Variants in ZBTB40 observed in about 807,000 individuals in gnomAD.
ZBTB40 encodes zinc finger and BTB domain containing 40.
A neutral mutation model predicts 117.5 loss-of-function variants in ZBTB40; 60 were observed. The ratio of observed to expected loss-of-function variants is 0.51; its 90% confidence interval spans 0.41 to 0.63. ZBTB40 has a LOEUF of 0.63. ZBTB40 is among the 30% of genes least tolerant of loss of function. The pLI, the probability that ZBTB40 is intolerant of heterozygous loss-of-function variation, is 0.00. For missense variants in ZBTB40, 1,287 were observed against 1,498.5 expected, an observed-to-expected ratio of 0.86 and a Z score of 2.33; for synonymous variants, 525 against 577.1, an observed-to-expected ratio of 0.91 and a Z score of 1.29.
chr1:22,479,921 G>C (rs967417567), intron 1 of ZBTB40, among the ~76,000 whole-genome samples: 12 of 151,206 alleles, frequency 7.9e-5, no homozygotes, highest in Non-Finnish European at 1.5e-4. Flanking sequence ...TTGTTTTTTT[G>C]GGGGGGACAG....
intron 11 of ZBTB40, among the ~76,000 whole-genome samples, chr1:22,512,366 G>A (rs1639263159): frequency 6.6e-6 from 1 of 152,174 alleles, no homozygotes; most frequent in Admixed American, 6.5e-5. Flanking sequence ...TTACTCTGTT[G>A]CATTGTTATG....
intron 1 of ZBTB40, among the ~76,000 whole-genome samples, chr1:22,467,297 T>C (rs1382454670): frequency 6.6e-6 from 1 of 152,196 alleles, no homozygotes; most frequent in Non-Finnish European, 1.5e-5. Context: ...AAGTATACTT[T>C]TCCCCACCCT....
Position 22,524,219 on chromosome 1 carries a change from G to A in ZBTB40, c.3300G>A (p.Gly1100=). 1 of 1,613,968 alleles carries A rather than the reference G, an allele frequency of 6.2e-7. No individual in the cohort carries two copies. The highest frequency in any genetic ancestry group is 8.5e-7 in the Non-Finnish European group (1 of 1,180,012). The change falls in exon 17 of 18, where the codon GGG becomes GGA. Residue 1100 remains glycine (G), a splice_region_variant and synonymous_variant. Coordinates refer to ENST00000375647, the MANE Select transcript of ZBTB40 (RefSeq NM_014870.4). ...CCCTTCTGTCTCCCTCTCCTCCAGG[G>A]TCCCAGCCATTCCGGTGCTTGTACT... ...LQVHVKCQHS[G]SQPFRCLYCA...
intron 1 of ZBTB40, among the ~76,000 whole-genome samples, chr1:22,438,107 G>C (rs1640693410): frequency 6.6e-6 from 1 of 151,970 alleles, no homozygotes; most frequent in South Asian, 2.1e-4. Flanking sequence ...TCCAGCCTGG[G>C]CAACAAGAGT....
rs1347744201 is a variant in ZBTB40, at chr1:22,511,858, C to G, written c.2185C>G (p.Pro729Ala). The G allele has an allele frequency of 2.5e-6, 4 of 1,614,112 alleles. No homozygotes were observed. Among genetic ancestry groups the G allele is most frequent in the Middle Eastern group, 1.6e-4 (1 of 6,062 alleles). Residue 729 changes from proline to alanine, a missense_variant, in exon 11 of 18, where the codon CCA (proline) becomes GCA (alanine). Physicochemically the swap from Pro to Ala is conservative, Grantham distance 27 (BLOSUM62 -1). Coordinates refer to ENST00000375647, the MANE Select transcript of ZBTB40 (RefSeq NM_014870.4). Reference protein sequence around the residue: ...GQQEKEASASPDPAKKSFICK... With the variant: ...GQQEKEASASADPAKKSFICK... ...GCAAGAGAAAGAGGCTTCAGCCTCC[C>G]CAGACCCTGCCAAGAAGAGCTTCAT...
At chr1:22,466,413 C>T (rs1641256571) in intron 1 of ZBTB40, among the ~76,000 whole-genome samples, 1 of 152,098 alleles carries the variant, frequency 6.6e-6, no homozygotes, top group Non-Finnish European at 1.5e-5. Flanking sequence ...AGTGGAACTG[C>T]TGGGTCATAT....
chr1:22,436,675 A>G (rs931933056), intron 1 of ZBTB40, among the ~76,000 whole-genome samples: 2 of 152,168 alleles, frequency 1.3e-5, no homozygotes, highest in African/African-American at 4.8e-5. Flanking sequence ...AACAAAACTG[A>G]TAAATGTAAC....
rs564035729 is a variant in ZBTB40, at chr1:22,531,149, A to G, written c.*4753A>G. The G allele has an allele frequency of 6.6e-6, 1 of 152,358 alleles. No individual in the cohort carries two copies. Among genetic ancestry groups the G allele is most frequent in the Non-Finnish European group, 1.5e-5 (1 of 68,044 alleles). The allele number at this position is 152,358 out of a possible 1,614,324, so 9.4% of individuals were successfully genotyped here. A position where few individuals can be genotyped will look rare whatever the true frequency, so the allele number is the denominator to read the frequency against. On this transcript the variant is annotated 3_prime_UTR_variant, in exon 18 of 18. Coordinates refer to ENST00000375647, the MANE Select transcript of ZBTB40 (RefSeq NM_014870.4). ...GCTTTTATTAATAAAAGTTTTTGGC[A>G]TACAAGTCAACTATTCCCTGCATTC...
At chr1:22,481,528 T>C (rs1348366867) in intron 1 of ZBTB40, among the ~76,000 whole-genome samples, 1 of 152,122 alleles carries the variant, frequency 6.6e-6, no homozygotes, top group African/African-American at 2.4e-5. Context: ...ATTTAGTTGT[T>C]CACAAAAACA....
intron 1 of ZBTB40, among the ~76,000 whole-genome samples, chr1:22,457,164 A>G (rs545881293): frequency 6.6e-6 from 1 of 152,036 alleles, no homozygotes; most frequent in South Asian, 2.1e-4. Context: ...GGGAGGGGAT[A>G]GACTTGAGGA....
At chr1:22,512,888 A>C in intron 11 of ZBTB40, 36 bp from the exon 12 acceptor site, 1 of 1,609,448 alleles carries the variant, frequency 6.2e-7, no homozygotes, top group Non-Finnish European at 8.5e-7. Context: ...GATTAGTAGC[A>C]TCTCTTCTGG....
At chr1:22,474,174 C>T (rs1314871057) in intron 1 of ZBTB40, among the ~76,000 whole-genome samples, 1 of 152,134 alleles carries the variant, frequency 6.6e-6, no homozygotes, top group East Asian at 1.9e-4. Context: ...TAGAATGTAC[C>T]TTAGGAAGGC....
At chr1:22,441,830 T>C (rs1198017166) in intron 1 of ZBTB40, among the ~76,000 whole-genome samples, 1 of 152,164 alleles carries the variant, frequency 6.6e-6, no homozygotes, top group Non-Finnish European at 1.5e-5. Context: ...TTGTTCTTCT[T>C]TTTCTAGTTC....
upstream of ZBTB40, among the ~76,000 whole-genome samples, chr1:22,446,918 C>A (rs963964035): frequency 6.6e-6 from 1 of 151,930 alleles, no homozygotes; most frequent in Non-Finnish European, 1.5e-5. Context: ...GCCTGGGCAA[C>A]ATGGCAAAAT....
intron 1 of ZBTB40, among the ~76,000 whole-genome samples, chr1:22,477,648 C>CAA (rs773354092): frequency 6.0e-5 from 4 of 66,718 alleles, no homozygotes; most frequent in East Asian, 4.5e-4. Context: ...GACTCTGTCT[C>CAA]AAAAAAAAAA....
chr1:22,478,385 C>T (rs1409126855), intron 1 of ZBTB40, among the ~76,000 whole-genome samples: 8 of 152,096 alleles, frequency 5.3e-5, no homozygotes, highest in African/African-American at 9.7e-5. Context: ...GTAGCTGGGA[C>T]TACAGGCGCC....
At chr1:22,445,741 GC>G (rs1447780516) in intron 1 of ZBTB40, among the ~76,000 whole-genome samples, 1 of 151,762 alleles carries the variant, frequency 6.6e-6, no homozygotes, top group African/African-American at 2.4e-5. Context: ...TGTAGTCTCA[GC>G]TACTTGGGAG....
chr1:22,454,257 AC>A (rs1640954040), intron 1 of ZBTB40, among the ~76,000 whole-genome samples: 2 of 152,180 alleles, frequency 1.3e-5, no homozygotes, highest in African/African-American at 4.8e-5. Flanking sequence ...CCGGCCTCGA[AC>A]AAATATTTTA....
In ZBTB40 at chr1:22,526,253, G is replaced by A. The variant is rs771379379; in HGVS notation, c.3577G>A (p.Glu1193Lys). 2 of 1,614,202 alleles carry A rather than the reference G, an allele frequency of 1.2e-6. No individual in the cohort carries two copies. Among genetic ancestry groups the A allele is most frequent in the South Asian group, 2.2e-5 (2 of 91,080 alleles). Residue 1193 changes from glutamate to lysine, a missense_variant, in exon 18 of 18, where the codon GAG (glutamate) becomes AAG (lysine). Physicochemically the swap from Glu to Lys is moderately conservative, Grantham distance 56 (BLOSUM62 1). Transcript: ENST00000375647. ...VAPTEQVITL[E>K]ETQLAGSQVF... The stretch of plus-strand genomic sequence containing the variant: ...CCCGACAGAGCAGGTGATCACTTTG[G>A]AGGAGACCCAGCTTGCCGGGTCGCA...
Sources: gnomAD v4.1 joint callset for allele counts (sites outside exome capture counted in the v4.1 genomes callset) on GRCh38, gnomAD v4.1.1 for gene constraint, MANE v1.5 for transcripts, NCBI Gene and HGNC (gene_info 2026-07-23, HGNC 2026-07-21) for gene names.